Variants in SAMD4A observed in about 807,000 individuals in gnomAD.
SAMD4A encodes sterile alpha motif domain containing 4A, also known as protein Smaug homolog 1.
In SAMD4A, 33 loss-of-function variants were observed where a neutral mutation model predicts 81.3. The observed-to-expected ratio is 0.41, with a 90% CI of 0.31 to 0.54. SAMD4A has a LOEUF of 0.54. SAMD4A is among the 20% of genes least tolerant of loss of function. The pLI is 0.37. For missense variants in SAMD4A, 854 were observed against 951.1 expected (o/e 0.90, Z 1.34); for synonymous variants, 389 against 382.1 (o/e 1.02, Z -0.21).
intron 3 of SAMD4A, among the ~76,000 whole-genome samples, chr14:54,720,093 A>T (rs2037222960): frequency 6.6e-6 from 1 of 152,048 alleles, no homozygotes; most frequent in Non-Finnish European, 1.5e-5. Context: ...TGTTCTACTC[A>T]CCAGGTGATT....
At chr14:54,741,569 G>C (rs1282931823) in intron 4 of SAMD4A, among the ~76,000 whole-genome samples, 1 of 147,580 alleles carries the variant, frequency 6.8e-6, no homozygotes, top group Non-Finnish European at 1.5e-5. Flanking sequence ...GAGAGCTACT[G>C]TTCCTGCCTG....
At chr14:54,773,950 A>G (rs2139928733) in intron 9 of SAMD4A, among the ~76,000 whole-genome samples, 1 of 152,368 alleles carries the variant, frequency 6.6e-6, no homozygotes, top group South Asian at 2.1e-4. Flanking sequence ...CAAGTCCGCC[A>G]CACAGACAGG....
At chr14:54,585,669 CAT>C (rs1470423876) in intron 2 of SAMD4A, among the ~76,000 whole-genome samples, 1 of 152,164 alleles carries the variant, frequency 6.6e-6, no homozygotes, top group Non-Finnish European at 1.5e-5. Context: ...GTAACTCCCA[CAT>C]ATGAGTGAGA....
chr14:54,614,299 A>G (rs2034439714), intron 2 of SAMD4A, among the ~76,000 whole-genome samples: 1 of 152,178 alleles, frequency 6.6e-6, no homozygotes, highest in Non-Finnish European at 1.5e-5. Flanking sequence ...TAATGAATAC[A>G]TATTTTTTAA....
intron 2 of SAMD4A, among the ~76,000 whole-genome samples, chr14:54,639,267 G>A (rs1566561297): frequency 6.6e-6 from 1 of 152,224 alleles, no homozygotes; most frequent in African/African-American, 2.4e-5. Context: ...ACCGGCAGCT[G>A]TTATTGTTGC....
Position 54,770,232 on chromosome 14 carries a change from G to A in SAMD4A, c.1715+10G>A, listed in dbSNP as rs1364720479. 1.9e-6 allele frequency: 3 copies of A among 1,576,974 alleles called. No individual in the cohort carries two copies. Among genetic ancestry groups the A allele is most frequent in the Non-Finnish European group, 2.6e-6 (3 of 1,147,782 alleles). On this transcript the variant is annotated intron_variant, in intron 9 of 12. Transcript: ENST00000554335. The stretch of plus-strand genomic sequence containing the variant: ...ATCGACAGCAAAGAAAGTATGTTGG[G>A]ATTTCATTCTTTGTAATGCGTAGTG...
chr14:54,781,307 C>T (rs923486125), intron 11 of SAMD4A, among the ~76,000 whole-genome samples: 3 of 152,232 alleles, frequency 2.0e-5, no homozygotes, highest in African/African-American at 7.2e-5. Context: ...CAGGGATGGA[C>T]GGTTACTGCC....
chr14:54,780,873 TC>T (rs1454925232), intron 11 of SAMD4A, among the ~76,000 whole-genome samples: 1 of 152,064 alleles, frequency 6.6e-6, no homozygotes, highest in Non-Finnish European at 1.5e-5. Context: ...CCTGCCACCC[TC>T]CATGGCCATC....
intron 2 of SAMD4A, among the ~76,000 whole-genome samples, chr14:54,683,678 G>A (rs1433379279): frequency 1.3e-5 from 2 of 152,126 alleles, no homozygotes; most frequent in African/African-American, 4.8e-5. Flanking sequence ...TTTTTAAAAG[G>A]ATTTTAAGGT....
chr14:54,663,874 C>T (rs929985559), intron 2 of SAMD4A, among the ~76,000 whole-genome samples: 1 of 152,222 alleles, frequency 6.6e-6, no homozygotes, highest in Non-Finnish European at 1.5e-5. Context: ...TGAGCCATCC[C>T]ACCCATCCCA....
At chr14:54,656,045 G>A (rs1403744331) in intron 2 of SAMD4A, among the ~76,000 whole-genome samples, 5 of 152,242 alleles carry the variant, frequency 3.3e-5, no homozygotes, top group Non-Finnish European at 7.4e-5. Context: ...ATATTAACAT[G>A]TAATGTTAAA....
At chr14:54,766,657 G>A (rs2038552657) in intron 8 of SAMD4A, among the ~76,000 whole-genome samples, 1 of 152,180 alleles carries the variant, frequency 6.6e-6, no homozygotes, top group African/African-American at 2.4e-5. Flanking sequence ...TGGGTGGCTT[G>A]GGGCAGACGG....
At chr14:54,656,963 A>ATTTTTTTTTT (rs370540288) in intron 2 of SAMD4A, among the ~76,000 whole-genome samples, 1 of 147,004 alleles carries the variant, frequency 6.8e-6, no homozygotes, top group Non-Finnish European at 1.5e-5. Context: ...CACTGACATG[A>ATTTTTTTTTT]TTTTTTTTTT....
chr14:54,598,505 T>C (rs188151588), intron 2 of SAMD4A, among the ~76,000 whole-genome samples: 18 of 152,358 alleles, frequency 1.2e-4, no homozygotes, highest in Middle Eastern at 3.4e-3. Flanking sequence ...GAATTTAGTT[T>C]TGTCCCAACT....
At chr14:54,697,078 C>T (rs2036594944) in intron 2 of SAMD4A, 1 of 152,202 alleles carries the variant, frequency 6.6e-6, no homozygotes, top group African/African-American at 2.4e-5. Flanking sequence ...ATTCTTTGCT[C>T]TCTGGAAGAT....
chr14:54,672,319 G>A (rs1299429133), intron 2 of SAMD4A, among the ~76,000 whole-genome samples: 1 of 151,962 alleles, frequency 6.6e-6, no homozygotes, highest in South Asian at 2.1e-4. Flanking sequence ...CTTCCTAAGC[G>A]CAGAAGGGTG....
intron 2 of SAMD4A, among the ~76,000 whole-genome samples, chr14:54,592,292 C>T (rs1206730397): frequency 6.6e-6 from 1 of 152,072 alleles, no homozygotes; most frequent in African/African-American, 2.4e-5. Context: ...GTAAACTTGT[C>T]TTAGTCTTCT....
At chr14:54,763,030 AT>A (rs1451347367) in intron 7 of SAMD4A, among the ~76,000 whole-genome samples, 3 of 151,036 alleles carry the variant, frequency 2.0e-5, no homozygotes, top group African/African-American at 4.9e-5. Context: ...AATTTTTTGT[AT>A]TTTTTAGTAG....
At position 54,632,735 on chromosome 14, in the gene SAMD4A, A is replaced by G. The variant is rs571038591; in HGVS notation, c.196+64623A>G. On this transcript the variant is annotated intron_variant, in intron 2 of 12. Coordinates refer to ENST00000554335, the MANE Select transcript of SAMD4A (RefSeq NM_015589.6). ...CCAAGAACCTGTGGTCTGAATCCTCAATTTACCACTTATTAGCTATGCATC... is the reference window on the plus strand; with the variant it reads ...CCAAGAACCTGTGGTCTGAATCCTCGATTTACCACTTATTAGCTATGCATC... Among the ~76,000 whole-genome samples the G allele has an allele frequency of 2.0e-5, 3 of 152,310 alleles. No homozygotes were observed. In the South Asian group the frequency reaches 6.2e-4, roughly 32 times the overall value.
Sources: allele counts gnomAD v4.1 joint callset (sites outside exome capture counted in the v4.1 genomes callset), GRCh38; gene constraint gnomAD v4.1.1; transcripts MANE v1.5; gene names NCBI Gene and HGNC (gene_info 2026-07-23, HGNC 2026-07-21).